The following RFX2 variants were observed in gnomAD, a reference collection of about 807,000 sequenced individuals.
RFX2 encodes the protein DNA-binding protein RFX2.
RFX2 carries 20 observed loss-of-function variants against 87.8 expected under a neutral mutation model. The ratio of observed to expected loss-of-function variants is 0.23; its 90% confidence interval spans 0.16 to 0.33. The LOEUF (loss-of-function observed/expected upper bound fraction) is 0.33. Among genes scored for constraint, RFX2 ranks in the 10% least tolerant of loss-of-function variants. The probability of loss-of-function intolerance (pLI) is 1.00; values close to 1 mark genes in which losing one functional copy is unlikely to be tolerated. For synonymous variants in RFX2, 397 were observed against 431.3 expected (o/e 0.92, Z 0.98); for missense variants, 767 against 1,012.3 (o/e 0.76, Z 3.29).
chr19:6,050,179 T>C lies in RFX2; in HGVS notation c.-8-2675A>G, dbSNP rs1286719053. ...TTAAGTGAAGATTTCAGCTGCTGCC[T>C]GTTGCAGGAGGGAGAGTTTGAATCT... is the stretch of plus-strand genomic sequence containing the variant. On this transcript the variant is annotated intron_variant, in intron 1 of 17. Coordinates refer to ENST00000303657, the MANE Select transcript of RFX2 (RefSeq NM_000635.4). This position sits in a 1 kb window ranked among gnomAD's most constrained non-coding sequence, Gnocchi z 4.6. Among the ~76,000 whole-genome samples the C allele has an allele frequency of 5.9e-5, 9 of 152,190 alleles. No homozygotes were observed. The highest frequency in any genetic ancestry group is 1.9e-4 in the African/African-American group (8 of 41,434).
intron 1 of RFX2, chr19:6,067,890 G>C (rs1027140289): frequency 1.3e-5 from 2 of 152,200 alleles, no homozygotes; most frequent in African/African-American, 4.8e-5. Flanking sequence ...TTTGCCCTTT[G>C]AGACAGACAC....
At chr19:6,053,955 C>CAAAAAA (rs553721219) in intron 1 of RFX2, among the ~76,000 whole-genome samples, 4 of 48,048 alleles carry the variant, frequency 8.3e-5, no homozygotes, top group Middle Eastern at 0.013. Context: ...GACTCTATCT[C>CAAAAAA]AAAAAAAAAA....
chr19:6,093,738 C>G (rs1322717980), intron 1 of RFX2, among the ~76,000 whole-genome samples: 1 of 150,990 alleles, frequency 6.6e-6, no homozygotes, highest in African/African-American at 2.4e-5. Flanking sequence ...AAAAAACACA[C>G]AAAAAAACCC....
chr19:6,096,660 A>G (rs1008003058), intron 1 of RFX2, among the ~76,000 whole-genome samples: 2 of 152,090 alleles, frequency 1.3e-5, no homozygotes, highest in Non-Finnish European at 2.9e-5. Context: ...GTTAGCCAGG[A>G]TGGTCTCGAT....
rs898942789 is a variant in RFX2, at chr19:6,050,342, A to C, written c.-8-2838T>G. Among the ~76,000 whole-genome samples the C allele has an allele frequency of 6.6e-6, 1 of 152,212 alleles. No homozygotes were observed. The highest frequency in any genetic ancestry group is 2.4e-5 in the African/African-American group (1 of 41,460). On this transcript the variant is annotated intron_variant, in intron 1 of 17. Transcript: ENST00000303657. The surrounding 1 kb of genome is among the most constrained non-coding windows in gnomAD (Gnocchi z 4.6). ...AGTGTAACATACACTCAAAAGAAAG[A>C]GTAACAAATAAAAAGAAAAAAGAAA...
intron 5 of RFX2, among the ~76,000 whole-genome samples, chr19:6,028,597 C>T (rs781390069): frequency 8.6e-5 from 13 of 151,960 alleles, no homozygotes; most frequent in Non-Finnish European, 1.3e-4. Context: ...AACTCTAGAA[C>T]CCATCCCTTC....
intron 6 of RFX2, among the ~76,000 whole-genome samples, chr19:6,018,905 C>G (rs1426954365): frequency 6.6e-6 from 1 of 152,204 alleles, no homozygotes; most frequent in Non-Finnish European, 1.5e-5. Context: ...CTGCCACAAT[C>G]CCTGAGCTTG....
At position 6,040,187 on chromosome 19, in the gene RFX2, C is replaced by T. The variant is rs773451556; in HGVS notation, c.315G>A (p.Thr105=). 6.9e-6 allele frequency: 11 copies of T among 1,595,474 alleles called. No individual in the cohort carries two copies. Among genetic ancestry groups the T allele is most frequent in the Admixed American group, 5.0e-5 (3 of 59,544 alleles). The change falls in exon 5 of 18, where the codon ACG becomes ACA. Residue 105 remains threonine, a synonymous_variant. Coordinates refer to ENST00000303657, the MANE Select transcript of RFX2 (RefSeq NM_000635.4). The surrounding 1 kb of genome is among the most constrained non-coding windows in gnomAD (Gnocchi z 6.1). ...CGCCTGGGGCCTCGAAGTAAGAAGCCGTGCTGCTGGGGGCGTACATCTGAG... is the reference window on the plus strand; with the variant it reads ...CGCCTGGGGCCTCGAAGTAAGAAGCTGTGCTGCTGGGGGCGTACATCTGAG... ...PEPQMYAPSS[T]ASYFEAPGGA...
chr19:6,057,569 T>C (rs1293139984), intron 1 of RFX2, among the ~76,000 whole-genome samples: 1 of 152,230 alleles, frequency 6.6e-6, no homozygotes, highest in Admixed American at 6.5e-5. Flanking sequence ...CAGAGTTAGC[T>C]GAGTGGTTTT....
Position 6,011,859 on chromosome 19 carries a change from C to G in RFX2, c.899+1127G>C, listed in dbSNP as rs2086663801. Among the ~76,000 whole-genome samples the G allele has an allele frequency of 6.6e-6, 1 of 152,220 alleles. No individual in the cohort carries two copies. Among genetic ancestry groups the G allele is most frequent in the Non-Finnish European group, 1.5e-5 (1 of 68,034 alleles). On this transcript the variant is annotated intron_variant, in intron 8 of 17. Transcript: ENST00000303657. The surrounding 1 kb of genome is among the most constrained non-coding windows in gnomAD (Gnocchi z 4.8). Reference sequence around the variant, plus strand: ...CACGTGGGGCTATTGCAATGTGGCCCCTGCCCTCAGGGGGGGCACTTGTGG... The same window carrying G: ...CACGTGGGGCTATTGCAATGTGGCCGCTGCCCTCAGGGGGGGCACTTGTGG...
At position 6,110,499 on chromosome 19, in the gene RFX2, A is replaced by ATGGCGGCGGCGG. The variant is rs2088289534; in HGVS notation, c.-116_-115insCCGCCGCCGCCA. 1 of 154,200 alleles carries ATGGCGGCGGCGG rather than the reference A, an allele frequency of 6.5e-6. No individual in the cohort carries two copies. The highest frequency in any genetic ancestry group is 6.5e-5 in the Admixed American group (1 of 15,292). The allele number at this position is 154,200 out of a possible 1,614,324, so 9.6% of individuals were successfully genotyped here. On this transcript the variant is annotated 5_prime_UTR_variant, in exon 1 of 18. Transcript: ENST00000303657. The surrounding 1 kb of genome is among the most constrained non-coding windows in gnomAD (Gnocchi z 4.3). ...AACAGTCTCCACGGCTACAGTCTCT[A>ATGGCGGCGGCGG]TGGCGGCGGCGGTGGCGGCGGCGGC...
chr19:6,096,430 T>TTTTTGTTTTG (rs139772504), intron 1 of RFX2, among the ~76,000 whole-genome samples: 6 of 151,064 alleles, frequency 4.0e-5, no homozygotes, highest in Non-Finnish European at 8.8e-5. Flanking sequence ...TCGTTTTTGT[T>TTTTTGTTTTG]TTTTGTTTTG....
chr19:6,108,501 CATTATT>C (rs968138003), intron 1 of RFX2, among the ~76,000 whole-genome samples: 2 of 152,084 alleles, frequency 1.3e-5, no homozygotes, highest in Non-Finnish European at 2.9e-5. Context: ...TGTTTTGTGT[CATTATT>C]ATTATTACTG....
chr19:6,042,619 C>T (rs930781734), intron 3 of RFX2, among the ~76,000 whole-genome samples: 1 of 152,244 alleles, frequency 6.6e-6, no homozygotes, highest in African/African-American at 2.4e-5. Flanking sequence ...GCCCCAACAC[C>T]CCCCGTGGGT....
At chr19:6,052,351 T>C (rs757928063) in intron 1 of RFX2, among the ~76,000 whole-genome samples, 49 of 152,220 alleles carry the variant, frequency 3.2e-4, no homozygotes, top group Admixed American at 1.8e-3. Flanking sequence ...ATTACAGATA[T>C]GTATGTACCT....
intron 1 of RFX2, among the ~76,000 whole-genome samples, chr19:6,088,196 G>C (rs1401777664): frequency 6.7e-6 from 1 of 150,284 alleles, no homozygotes; most frequent in East Asian, 1.9e-4. Flanking sequence ...ACAGAGAAGG[G>C]CCAGGGCACT....
At chr19:6,106,230 CCCAT>C (rs56665747) in intron 1 of RFX2, among the ~76,000 whole-genome samples, 1,738 of 150,064 alleles carry the variant, frequency 0.012, 11 homozygotes, top group Non-Finnish European at 0.017. Flanking sequence ...CATCGGCCTG[CCCAT>C]CCATCCATCC....
At position 6,098,889 on chromosome 19, in the gene RFX2, C is replaced by T. The variant is rs368273169; in HGVS notation, c.-9+11504G>A. On this transcript the variant is annotated intron_variant, in intron 1 of 17. Transcript: ENST00000303657. The stretch of plus-strand genomic sequence containing the variant: ...TGTAACTGCTTCCTCTGCCACTGCT[C>T]GTGGCCCAGGGCTGACTTTTTGGGG... 1.2e-3 allele frequency among the ~76,000 whole-genome samples: 166 copies of T among 141,870 alleles called. 1 individual carries two copies. The highest frequency in any genetic ancestry group is 6.6e-3 in the South Asian group (28 of 4,242). 93.1% of individuals were successfully genotyped at this position (141,870 alleles called of 152,430 possible).
chr19:6,045,334 C>T lies in RFX2; in HGVS notation c.91-1052G>A, dbSNP rs142987023. 0.017 allele frequency among the ~76,000 whole-genome samples: 2,533 copies of T among 152,252 alleles called. 79 individuals are homozygous for T. The highest frequency in any genetic ancestry group is 0.058 in the African/African-American group (2,416 of 41,542). ...TGAAACCTGGGACACACATGGTGGC[C>T]GTGAGTGGCACTGAGACCTGTCCAT... On this transcript the variant is annotated intron_variant, in intron 2 of 17. Coordinates refer to ENST00000303657, the MANE Select transcript of RFX2 (RefSeq NM_000635.4). This position sits in a 1 kb window ranked among gnomAD's most constrained non-coding sequence, Gnocchi z 5.2.
Sources: gnomAD v4.1 joint callset for allele counts (sites outside exome capture counted in the v4.1 genomes callset) on GRCh38, gnomAD v4.1.1 for gene constraint, Gnocchi (gnomAD v3.1) non-coding constraint, MANE v1.5 for transcripts, NCBI Gene and HGNC (gene_info 2026-07-23, HGNC 2026-07-21) for gene names.